ATG2A: variants seen among roughly 807,000 people sequenced by gnomAD.
The protein encoded by ATG2A is autophagy-related protein 2 homolog A.
Under a neutral mutation model 214.2 loss-of-function variants are expected in ATG2A, and 103 were observed. That is an observed-to-expected ratio of 0.48 (90% CI 0.41 to 0.57). ATG2A has a LOEUF of 0.57. ATG2A is among the 20% of genes least tolerant of loss of function. ATG2A has a pLI of 0.00. For missense variants in ATG2A, 2,312 were observed against 2,613.2 expected, an observed-to-expected ratio of 0.88 and a Z score of 2.51; for synonymous variants, 1,160 against 1,142.1, an observed-to-expected ratio of 1.02 and a Z score of -0.32.
At chr11:64,907,710 C>T in intron 17 of ATG2A, 38 bp downstream of exon 17, 2 of 1,608,584 alleles carry the variant, frequency 1.2e-6, no homozygotes, top group Non-Finnish European at 1.7e-6. Context: ...CAGGCCCACC[C>T]AGTGTCCAGT....
In ATG2A at chr11:64,900,542, C is replaced by G; in HGVS notation, c.4416G>C (p.Gly1472=). The G allele has an allele frequency of 6.2e-7, 1 of 1,613,432 alleles. No individual in the cohort carries two copies. Among genetic ancestry groups the G allele is most frequent in the Non-Finnish European group, 8.5e-7 (1 of 1,180,036 alleles). The stretch of plus-strand genomic sequence containing the variant: ...GGACATGGTGCTGCCGCCCGCTGCC[C>G]CCCTGCGTGCGCCATGAGTTCTGGG... The part of the protein sequence containing the change: ...NRPQNSWRTQ[G]GSGRQHHVLM... Residue 1472 remains glycine (G), a synonymous_variant, in exon 31 of 41, where the codon GGG becomes GGC. Coordinates refer to ENST00000377264, the MANE Select transcript of ATG2A (RefSeq NM_015104.3).
Position 64,912,127 on chromosome 11 carries a change from G to C in ATG2A, c.1045C>G (p.Pro349Ala). The change falls in exon 8 of 41, where the codon CCA becomes GCA. Residue 349 changes from proline (P) to alanine (A), a missense_variant. Transcript: ENST00000377264. ...QAGAVAEPLS[P>A]DPLTNPLLNL... ...AGAAGGGGGTTGGTAAGGGGGTCTG[G>C]GCTGAGGGGCTCAGCCACTGCCCCT... 6.2e-7 allele frequency: 1 copy of C among 1,613,912 alleles called. No individual in the cohort carries two copies.
chr11:64,896,957 T>G (rs1374499135), intron 37 of ATG2A, 88 bp from the exon 38 acceptor site: 3 of 1,535,258 alleles, frequency 2.0e-6, no homozygotes, highest in Non-Finnish European at 2.6e-6. Context: ...AGTACCCCTG[T>G]GGCAAGTACT....
At position 64,896,890 on chromosome 11, in the gene ATG2A, GGAGGCAGAAGGT is replaced by G. The variant is rs781265243; in HGVS notation, c.5151-33_5151-22del. 9 of 1,611,670 alleles carry G rather than the reference GGAGGCAGAAGGT, an allele frequency of 5.6e-6. No individual in the cohort carries two copies. In the Admixed American group the frequency reaches 6.7e-5, roughly 12 times the overall value. On this transcript the variant is annotated intron_variant, in intron 37 of 40. Transcript: ENST00000377264. ...GGAGCCTGGCAGGGCAGGGAGGTGA[GGAGGCAGAAGGT>G]GAGGCAGAGCCACACATGGAGGGAT...
At chr11:64,900,450 T>C in intron 31 of ATG2A, 44 bp downstream of exon 31, 6 of 1,611,904 alleles carry the variant, frequency 3.7e-6, no homozygotes, top group Non-Finnish European at 5.1e-6. Flanking sequence ...AGGCCCGTTG[T>C]TCTATGACAC....
rs144583062 is a variant in ATG2A, at chr11:64,912,113, G to C, written c.1059C>G (p.Thr353=). 5.5e-5 allele frequency: 89 copies of C among 1,613,640 alleles called. No individual in the cohort carries two copies. Among genetic ancestry groups the C allele is most frequent in the Non-Finnish European group, 7.2e-5 (85 of 1,179,832 alleles). ...TGTTATCCAGGTTGAGAAGGGGGTTGGTAAGGGGGTCTGGGCTGAGGGGCT... is the reference window on the plus strand; with the variant it reads ...TGTTATCCAGGTTGAGAAGGGGGTTCGTAAGGGGGTCTGGGCTGAGGGGCT... The part of the protein sequence containing the change: ...VAEPLSPDPL[T]NPLLNLDNTD... The change falls in exon 8 of 41, where the codon ACC becomes ACG. Residue 353 remains threonine, a synonymous_variant. Coordinates refer to ENST00000377264, the MANE Select transcript of ATG2A (RefSeq NM_015104.3).
rs914444943 is a variant in ATG2A at position 64,907,771 on chromosome 11, C to T, written c.2484G>A (p.Glu828=). The T allele has an allele frequency of 6.2e-7, 1 of 1,613,408 alleles. No individual in the cohort carries two copies. The highest frequency in any genetic ancestry group is 1.3e-5 in the African/African-American group (1 of 74,932). Residue 828 remains glutamate (E), a synonymous_variant, in exon 17 of 41, where the codon GAG becomes GAA. Transcript: ENST00000377264. ...PSVHIFLPSK[E]VYESIYNRIN... The stretch of plus-strand genomic sequence containing the variant: ...ACCTGTTGTAGATGCTCTCGTAGAC[C>T]TCCTTGCTGGGCAGAAAGATGTGGA...
Position 64,895,103 on chromosome 11 carries a change from G to T in ATG2A, c.5687C>A (p.Thr1896Asn). The T allele has an allele frequency of 3.7e-6, 6 of 1,613,040 alleles. No homozygotes were observed. Among genetic ancestry groups the T allele is most frequent in the Non-Finnish European group, 5.1e-6 (6 of 1,179,808 alleles). ...VGGVIRQLPP[T>N]VVKPLILATE... Reference sequence around the variant, plus strand: ...GGCCAGGATGAGCGGCTTCACCACAGTCGGGGGCAGCTGGCGGATCACGCC... The same window carrying T: ...GGCCAGGATGAGCGGCTTCACCACATTCGGGGGCAGCTGGCGGATCACGCC... The change falls in exon 41 of 41, where the codon ACT becomes AAT. Residue 1896 changes from threonine to asparagine, a missense_variant. By Grantham distance (65) the Thr-to-Asn change is moderately conservative. Coordinates refer to ENST00000377264, the MANE Select transcript of ATG2A (RefSeq NM_015104.3). This position sits in a 1 kb window ranked among gnomAD's most constrained non-coding sequence, Gnocchi z 5.0.
rs773915998 is a variant in ATG2A, at chr11:64,896,481, C to T, written c.5408G>A (p.Arg1803Gln). The T allele has an allele frequency of 2.7e-5, 44 of 1,613,256 alleles. No homozygotes were observed. Among genetic ancestry groups the T allele is most frequent in the Non-Finnish European group, 3.6e-5 (42 of 1,179,642 alleles). ...ACTCACCTGGATAGCCTGTACCAAC[C>T]GGTTGCTGAGTTCCAGGGCGGCAGA... ...TASAALELSN[R>Q]LVQAIQATAE... Residue 1803 changes from arginine (R) to glutamine (Q), a missense_variant, in exon 39 of 41, where the codon CGG (arginine) becomes CAG (glutamine). Transcript: ENST00000377264.
At position 64,894,933 on chromosome 11, in the gene ATG2A, C is replaced by T. The variant is rs757273643; in HGVS notation, c.*40G>A. On this transcript the variant is annotated 3_prime_UTR_variant, in exon 41 of 41. Transcript: ENST00000377264. The stretch of plus-strand genomic sequence containing the variant: ...CTGCAGCTCTTGGGAGGCTCAGGAG[C>T]ATGGTGGGCAGCACCCTCTGGGTGC... 6.2e-6 allele frequency: 10 copies of T among 1,607,330 alleles called. No individual in the cohort carries two copies. Among genetic ancestry groups the T allele is most frequent in the Non-Finnish European group, 8.5e-6 (10 of 1,176,876 alleles).
At chr11:64,909,624 C>T in intron 14 of ATG2A, 57 bp downstream of exon 14, 5 of 1,590,930 alleles carry the variant, frequency 3.1e-6, no homozygotes, top group Non-Finnish European at 4.3e-6. Context: ...GCCCCAAGCC[C>T]ATCTCTCCCA....
intron 24 of ATG2A, among the ~76,000 whole-genome samples, chr11:64,904,838 A>G (rs1284860582): frequency 6.7e-6 from 1 of 149,154 alleles, no homozygotes; most frequent in Non-Finnish European, 1.5e-5. Context: ...CTATCTATCT[A>G]TCTATCTATC....
chr11:64,902,691 G>A lies in ATG2A; in HGVS notation c.3613-11C>T, dbSNP rs780209150. 86 of 1,604,002 alleles carry A rather than the reference G, an allele frequency of 5.4e-5. No individual in the cohort carries two copies. The highest frequency in any genetic ancestry group is 6.0e-5 in the Non-Finnish European group (71 of 1,175,136). ...GAATAGTGGCTGGCTCTGCAGGGGC[G>A]GGGTGGGGGGAGCAGCTATGTGAAC... On this transcript the variant is annotated splice_polypyrimidine_tract_variant and intron_variant, in intron 26 of 40. Transcript: ENST00000377264.
chr11:64,903,188 G>T lies in ATG2A; in HGVS notation c.3612+100C>A. ...CCCAGGAAGGGCAGGCATGAACTGT[G>T]TCCGGAGCCCAGGCACGTGAGGGAG... On this transcript the variant is annotated intron_variant, in intron 26 of 40. Coordinates refer to ENST00000377264, the MANE Select transcript of ATG2A (RefSeq NM_015104.3). The surrounding 1 kb of genome is among the most constrained non-coding windows in gnomAD (Gnocchi z 4.2). 1 of 1,130,504 alleles carries T rather than the reference G, an allele frequency of 8.8e-7. No homozygotes were observed. The highest frequency in any genetic ancestry group is 1.3e-6 in the Non-Finnish European group (1 of 763,044). 70.0% of individuals were successfully genotyped at this position (1,130,504 alleles called of 1,614,324 possible).
In ATG2A at chr11:64,898,299, G is replaced by A. The variant is rs1294786629; in HGVS notation, c.4735C>T (p.Arg1579Cys). The change falls in exon 33 of 41, where the codon CGC becomes TGC. Residue 1579 changes from arginine (R) to cysteine (C), a missense_variant. Coordinates refer to ENST00000377264, the MANE Select transcript of ATG2A (RefSeq NM_015104.3). The surrounding 1 kb of genome is among the most constrained non-coding windows in gnomAD (Gnocchi z 4.5). Reference protein sequence around the residue: ...TNLGGPECCLRVSLMPLRLNV... With the variant: ...TNLGGPECCLCVSLMPLRLNV... ...AGCCGCAGGGGCATCAGCGAGACGC[G>A]GAGACAGCACTCAGGCCCACCCAGG... 5.0e-6 allele frequency: 8 copies of A among 1,613,142 alleles called. No homozygotes were observed. The highest frequency in any genetic ancestry group is 1.7e-5 in the Admixed American group (1 of 59,852).
chr11:64,914,787 T>G (rs1290359035), intron 1 of ATG2A, among the ~76,000 whole-genome samples: 1 of 151,610 alleles, frequency 6.6e-6, no homozygotes, highest in Non-Finnish European at 1.5e-5. Flanking sequence ...ACACTGAGAC[T>G]AGATGGGTAA....
chr11:64,907,761 T>G lies in ATG2A; in HGVS notation c.2494A>C (p.Ser832Arg), dbSNP rs1300938521. The G allele has an allele frequency of 1.2e-6, 2 of 1,613,348 alleles. No homozygotes were observed. The highest frequency in any genetic ancestry group is 1.7e-6 in the Non-Finnish European group (2 of 1,179,958). ...CCGGGTCTCCACCTGTTGTAGATGC[T>G]CTCGTAGACCTCCTTGCTGGGCAGA... ...IFLPSKEVYE[S>R]IYNRINNDLL... The change falls in exon 17 of 41, where the codon AGC becomes CGC. Residue 832 changes from serine to arginine, a missense_variant. Coordinates refer to ENST00000377264, the MANE Select transcript of ATG2A (RefSeq NM_015104.3).
rs756394295 is a variant in ATG2A, at chr11:64,896,645, C to T, written c.5273-29G>A. The T allele has an allele frequency of 3.7e-6, 6 of 1,608,392 alleles. No homozygotes were observed. Among genetic ancestry groups the T allele is most frequent in the East Asian group, 2.2e-5 (1 of 44,744 alleles). ...GGGGGAAGGAGCGCTCAGAGACACC[C>T]GAGGCTGCCCTGCCCCCACCTCCTC... On this transcript the variant is annotated intron_variant, in intron 38 of 40. Coordinates refer to ENST00000377264, the MANE Select transcript of ATG2A (RefSeq NM_015104.3).
chr11:64,907,206 C>T, intron 19 of ATG2A, 49 bp downstream of exon 19: 1 of 1,455,734 alleles, frequency 6.9e-7, no homozygotes, highest in Non-Finnish European at 9.1e-7. Context: ...GCTCTGCCGC[C>T]AATGGGAGCT....
Sources: gnomAD v4.1 joint callset for allele counts (sites outside exome capture counted in the v4.1 genomes callset) on GRCh38, gnomAD v4.1.1 for gene constraint, Gnocchi (gnomAD v3.1) non-coding constraint, MANE v1.5 for transcripts, NCBI Gene and HGNC (gene_info 2026-07-23, HGNC 2026-07-21) for gene names.